Variants in CNTNAP2 observed in about 807,000 individuals in gnomAD.
CNTNAP2 encodes the protein contactin associated protein 2.
A neutral mutation model predicts 155.2 loss-of-function variants in CNTNAP2; 98 were observed. The observed-to-expected ratio is 0.63, with a 90% CI of 0.54 to 0.75. CNTNAP2 has a LOEUF of 0.75. CNTNAP2 is among the 30% of genes least tolerant of loss of function. The pLI is 0.00. For synonymous variants in CNTNAP2, 651 were observed against 631.2 expected, an observed-to-expected ratio of 1.03 and a Z score of -0.47; for missense variants, 1,727 against 1,688.1, an observed-to-expected ratio of 1.02 and a Z score of -0.40.
intron 21 of CNTNAP2, among the ~76,000 whole-genome samples, chr7:148,355,702 A>G (rs1250180039): frequency 6.6e-6 from 1 of 152,210 alleles, no homozygotes; most frequent in African/African-American, 2.4e-5. Context: ...ACTGTGAATC[A>G]ACATGGATGT....
intron 13 of CNTNAP2, among the ~76,000 whole-genome samples, chr7:147,772,490 AC>A (rs199726936): frequency 2.5e-4 from 32 of 126,476 alleles, no homozygotes; most frequent in South Asian, 1.2e-3. Context: ...ATATACACAC[AC>A]AAAAAAAAAA....
At chr7:147,059,349 C>T (rs1799620291) in intron 4 of CNTNAP2, among the ~76,000 whole-genome samples, 1 of 151,974 alleles carries the variant, frequency 6.6e-6, no homozygotes, top group South Asian at 2.1e-4. Flanking sequence ...TAACTCTAGG[C>T]AACCTCAGTC....
At chr7:147,401,210 C>T (rs556174773) in intron 10 of CNTNAP2, among the ~76,000 whole-genome samples, 1 of 152,206 alleles carries the variant, frequency 6.6e-6, no homozygotes, top group East Asian at 1.9e-4. Context: ...TTAAAAAATA[C>T]ATTTAGAAAC....
At chr7:146,219,847 A>G (rs538819436) in intron 1 of CNTNAP2, among the ~76,000 whole-genome samples, 113 of 152,308 alleles carry the variant, frequency 7.4e-4, no homozygotes, top group Non-Finnish European at 1.4e-3. Context: ...TGACATTATT[A>G]TTTTTATAAT....
At chr7:147,441,858 TCCC>T (rs1797646106) in intron 10 of CNTNAP2, among the ~76,000 whole-genome samples, 1 of 101,468 alleles carries the variant, frequency 9.9e-6, no homozygotes, top group African/African-American at 3.5e-5. Flanking sequence ...TCTCCCTCCC[TCCC>T]TCCCTCCCTC....
intron 1 of CNTNAP2, among the ~76,000 whole-genome samples, chr7:146,120,514 A>G (rs1797546170): frequency 6.6e-6 from 1 of 152,210 alleles, no homozygotes; most frequent in South Asian, 2.1e-4. Flanking sequence ...ATTAACCTTT[A>G]TGCAGTTATA....
chr7:147,615,264 C>T (rs55960730), intron 12 of CNTNAP2, among the ~76,000 whole-genome samples: 1,959 of 103,182 alleles, frequency 0.019, 69 homozygotes, highest in African/African-American at 0.071. Flanking sequence ...CGGAGAGGAG[C>T]GAGACCCTGT....
At chr7:146,705,390 G>C (rs1800945231) in intron 1 of CNTNAP2, among the ~76,000 whole-genome samples, 1 of 151,998 alleles carries the variant, frequency 6.6e-6, no homozygotes, top group Non-Finnish European at 1.5e-5. Context: ...ACTTTTTTCT[G>C]TGTTCTCGCA....
rs554383785 is a variant in CNTNAP2 at position 148,209,411 on chromosome 7, G to A, written c.3011-7877G>A. ...GGCCTTCCAAAGTGCTGGGATTACC[G>A]TGTGAGCCACAGCACCCAGCCAAAG... On this transcript the variant is annotated intron_variant, in intron 18 of 23. Coordinates refer to ENST00000361727, the MANE Select transcript of CNTNAP2 (RefSeq NM_014141.6). Among the ~76,000 whole-genome samples, 60 of 149,784 alleles carry A rather than the reference G, an allele frequency of 4.0e-4. 1 individual carries two copies. The highest frequency in any genetic ancestry group is 2.5e-3 in the Admixed American group (37 of 14,906).
At chr7:146,614,089 A>G (rs994514692) in intron 1 of CNTNAP2, among the ~76,000 whole-genome samples, 1 of 152,104 alleles carries the variant, frequency 6.6e-6, no homozygotes, top group African/African-American at 2.4e-5. Context: ...TTAAGCTTTT[A>G]TTATGACCCG....
chr7:147,087,890 C>G (rs536433207), intron 4 of CNTNAP2, among the ~76,000 whole-genome samples: 236 of 152,108 alleles, frequency 1.6e-3, no homozygotes, highest in African/African-American at 5.3e-3. Context: ...GGCAGGAGAT[C>G]CCCTTGAACC....
In CNTNAP2 at chr7:148,106,493, GATATATATATATAT is replaced by G. The variant is rs10532740; in HGVS notation, c.2384-11611_2384-11598del. On this transcript the variant is annotated intron_variant, in intron 15 of 23. Coordinates refer to ENST00000361727, the MANE Select transcript of CNTNAP2 (RefSeq NM_014141.6). ...CACTTCAGTGTACTGCACACTTTGA[GATATATATATATAT>G]ATATATATATATACATATTTTTTTT... Among the ~76,000 whole-genome samples the G allele has an allele frequency of 3.2e-5, 4 of 124,926 alleles. 1 individual carries two copies. The highest frequency in any genetic ancestry group is 1.4e-4 in the African/African-American group (4 of 28,958). The allele number at this position is 124,926 out of a possible 152,430, so 82.0% of individuals were successfully genotyped here.
chr7:147,950,106 G>A (rs1289941121), intron 14 of CNTNAP2, among the ~76,000 whole-genome samples: 1 of 151,910 alleles, frequency 6.6e-6, no homozygotes, highest in Non-Finnish European at 1.5e-5. Flanking sequence ...AGAATCCTGG[G>A]GGGTGTTTCA....
chr7:147,180,952 T>A (rs1162087470), intron 8 of CNTNAP2, among the ~76,000 whole-genome samples: 2 of 152,220 alleles, frequency 1.3e-5, no homozygotes, highest in African/African-American at 4.8e-5. Flanking sequence ...AGTAGCCAAT[T>A]GCATTTCTAT....
At chr7:147,465,167 G>A (rs754595598) in intron 10 of CNTNAP2, among the ~76,000 whole-genome samples, 2 of 152,220 alleles carry the variant, frequency 1.3e-5, no homozygotes, top group African/African-American at 4.8e-5. Context: ...AGGAGGGGCA[G>A]AGAGACAAGA....
At chr7:146,660,371 A>C (rs1337667643) in intron 1 of CNTNAP2, among the ~76,000 whole-genome samples, 1 of 152,218 alleles carries the variant, frequency 6.6e-6, no homozygotes, top group Non-Finnish European at 1.5e-5. Flanking sequence ...ATGGGATAGC[A>C]AAGTCAGAAA....
intron 3 of CNTNAP2, among the ~76,000 whole-genome samples, chr7:147,021,371 A>G (rs990025944): frequency 6.6e-6 from 1 of 152,208 alleles, no homozygotes; most frequent in Non-Finnish European, 1.5e-5. Flanking sequence ...TACATATTCT[A>G]TAGACATCAT....
At chr7:146,354,664 C>A (rs370939881) in intron 1 of CNTNAP2, among the ~76,000 whole-genome samples, 1 of 152,108 alleles carries the variant, frequency 6.6e-6, no homozygotes, top group African/African-American at 2.4e-5. Context: ...ATCCACCCAC[C>A]TCAGCCTCCC....
At chr7:148,143,309 A>G (rs1805112605) in intron 16 of CNTNAP2, among the ~76,000 whole-genome samples, 1 of 152,214 alleles carries the variant, frequency 6.6e-6, no homozygotes, top group African/African-American at 2.4e-5. Flanking sequence ...CAGTTACAAT[A>G]AAAATGGCTT....
Sources: gnomAD v4.1 joint callset for allele counts (sites outside exome capture counted in the v4.1 genomes callset) on GRCh38, gnomAD v4.1.1 for gene constraint, MANE v1.5 for transcripts, NCBI Gene and HGNC (gene_info 2026-07-23, HGNC 2026-07-21) for gene names.